The following HMGCLL1 variants were observed in gnomAD, a reference collection of about 807,000 sequenced individuals.
The protein encoded by HMGCLL1 is 3-hydroxy-3-methylglutaryl-CoA lyase like 1, also known as 3-hydroxymethyl-3-methylglutaryl-CoA lyase, cytoplasmic.
In HMGCLL1, 36 loss-of-function variants were observed where a neutral mutation model predicts 39.1. That is an observed-to-expected ratio of 0.92 (90% CI 0.71 to 1.22). HMGCLL1 has a LOEUF of 1.22. HMGCLL1 is among the 50% of genes most tolerant of loss of function. The probability of loss-of-function intolerance (pLI) is 0.00; values close to 1 mark genes in which losing one functional copy is unlikely to be tolerated. For missense variants in HMGCLL1, 451 were observed against 416.5 expected, an observed-to-expected ratio of 1.08 and a Z score of -0.72; for synonymous variants, 149 against 144.0, an observed-to-expected ratio of 1.03 and a Z score of -0.25.
chr6:55,672,310 GAATA>G, the HMGCLL1 span, among the ~76,000 whole-genome samples: 4,451 of 151,458 alleles, frequency 0.029, 229 homozygotes, highest in African/African-American at 0.1. Flanking sequence ...GTATCTTCTA[GAATA>G]AATAAAAATT....
intron 7 of HMGCLL1, among the ~76,000 whole-genome samples, chr6:55,490,504 A>T (rs1021852207): frequency 6.6e-6 from 1 of 152,146 alleles, no homozygotes. Context: ...CCATTTGATC[A>T]GCATGGATGA....
At chr6:55,487,348 C>A (rs1442273411) in intron 7 of HMGCLL1, among the ~76,000 whole-genome samples, 1 of 151,904 alleles carries the variant, frequency 6.6e-6, no homozygotes, top group Non-Finnish European at 1.5e-5. Context: ...GCAGAATGTG[C>A]AGTTTTGTTA....
At chr6:55,633,756 T>C in the HMGCLL1 span, among the ~76,000 whole-genome samples, 1 of 151,984 alleles carries the variant, frequency 6.6e-6, no homozygotes, top group Non-Finnish European at 1.5e-5. Flanking sequence ...GGAAGCTCTG[T>C]AGTGACGTTA....
At chr6:55,669,064 A>G in the HMGCLL1 span, among the ~76,000 whole-genome samples, 1 of 151,576 alleles carries the variant, frequency 6.6e-6, no homozygotes, top group African/African-American at 2.4e-5. Context: ...ACCAACAACT[A>G]GAGCCTGTGG....
the HMGCLL1 span, among the ~76,000 whole-genome samples, chr6:55,639,032 T>G: frequency 6.6e-6 from 1 of 152,114 alleles, no homozygotes; most frequent in African/African-American, 2.4e-5. Flanking sequence ...TTAGTTACTA[T>G]GGTATCATTC....
At chr6:55,541,883 T>A in intron 2 of HMGCLL1, 47 bp from the exon 3 acceptor site, 11 of 1,147,060 alleles carry the variant, frequency 9.6e-6, no homozygotes, top group Non-Finnish European at 1.4e-5. Flanking sequence ...TAGGTCCTAT[T>A]TAAGCACAAA....
intron 6 of HMGCLL1, among the ~76,000 whole-genome samples, chr6:55,496,109 T>C (rs1766562196): frequency 6.6e-6 from 1 of 152,158 alleles, no homozygotes. Flanking sequence ...TTGAACTCTA[T>C]GGATCCACTT....
chr6:55,601,191 CA>C, the HMGCLL1 span, among the ~76,000 whole-genome samples: 2 of 152,064 alleles, frequency 1.3e-5, no homozygotes, highest in Admixed American at 6.6e-5. Flanking sequence ...TGTGAGACTG[CA>C]GGTCAATTGG....
At chr6:55,558,549 T>G (rs543985403) in intron 1 of HMGCLL1, among the ~76,000 whole-genome samples, 3 of 152,288 alleles carry the variant, frequency 2.0e-5, no homozygotes, top group African/African-American at 7.2e-5. Context: ...TCAGAATCCA[T>G]AGCTTTCACC....
rs568568853 is a variant in HMGCLL1 at position 55,555,100 on chromosome 6, G to A, written c.109-12960C>T. Among the ~76,000 whole-genome samples, 20 of 152,216 alleles carry A rather than the reference G, an allele frequency of 1.3e-4. No individual in the cohort carries two copies. The East Asian group carries it at 3.7e-3, about 28-fold the overall frequency. The stretch of plus-strand genomic sequence containing the variant: ...CATTTCCCTCAGAGAAAAATCCAAA[G>A]TCTTTGCCATGGCCCTGGAGGCCCC... On this transcript the variant is annotated intron_variant, in intron 1 of 8. Transcript: ENST00000274901.
chr6:55,536,329 C>T (rs958364035), intron 3 of HMGCLL1, among the ~76,000 whole-genome samples: 10 of 152,026 alleles, frequency 6.6e-5, no homozygotes, highest in African/African-American at 2.2e-4. Context: ...TAAGCCTTTG[C>T]CTATGGCATA....
chr6:55,606,672 C>T, the HMGCLL1 span, among the ~76,000 whole-genome samples: 3 of 152,022 alleles, frequency 2.0e-5, no homozygotes, highest in African/African-American at 7.2e-5. Context: ...TAGTTTTATT[C>T]TGTGTTGTAG....
intron 3 of HMGCLL1, among the ~76,000 whole-genome samples, chr6:55,518,569 A>G (rs1767869152): frequency 6.6e-6 from 1 of 152,170 alleles, no homozygotes; most frequent in African/African-American, 2.4e-5. Context: ...AAGCCAGGTT[A>G]CAAAAAAGGA....
chr6:55,527,496 T>A (rs1045059268), intron 3 of HMGCLL1, among the ~76,000 whole-genome samples: 1 of 152,068 alleles, frequency 6.6e-6, no homozygotes, highest in Non-Finnish European at 1.5e-5. Flanking sequence ...AAGCTAATTG[T>A]ATTTTTATTC....
the HMGCLL1 span, among the ~76,000 whole-genome samples, chr6:55,587,860 T>C: frequency 6.6e-6 from 1 of 152,150 alleles, no homozygotes; most frequent in African/African-American, 2.4e-5. Context: ...CTAACTATCC[T>C]AAATATATAT....
At chr6:55,540,726 T>C (rs79565968) in intron 3 of HMGCLL1, among the ~76,000 whole-genome samples, 3,563 of 152,216 alleles carry the variant, frequency 0.023, 131 homozygotes, top group African/African-American at 0.082. Flanking sequence ...ACTCCTGGCA[T>C]AAAGCAGGGT....
the HMGCLL1 span, among the ~76,000 whole-genome samples, chr6:55,677,139 G>A: frequency 6.6e-6 from 1 of 152,198 alleles, no homozygotes; most frequent in Non-Finnish European, 1.5e-5. Flanking sequence ...GCTCACGCTT[G>A]TAATCCTAGC....
At chr6:55,495,174 C>T (rs576928962) in intron 7 of HMGCLL1, among the ~76,000 whole-genome samples, 5 of 152,104 alleles carry the variant, frequency 3.3e-5, no homozygotes, top group Non-Finnish European at 5.9e-5. Flanking sequence ...AAGATTAATA[C>T]TTTTCAAAAG....
rs1264950213 is a variant in HMGCLL1, at chr6:55,542,686, G to A, written c.109-546C>T. 2.0e-5 allele frequency among the ~76,000 whole-genome samples: 3 copies of A among 151,152 alleles called. No individual in the cohort carries two copies. The East Asian group carries it at 5.8e-4, about 29-fold the overall frequency. On this transcript the variant is annotated intron_variant, in intron 1 of 8. Coordinates refer to ENST00000274901, the MANE Select transcript of HMGCLL1 (RefSeq NM_001042406.2). ...CCCAGCTATTTGGGAGGCTGAGGTA[G>A]GAGAATCACTTGAACCCAGGAGGCG...
Sources: gnomAD v4.1 joint callset for allele counts (sites outside exome capture counted in the v4.1 genomes callset) on GRCh38, gnomAD v4.1.1 for gene constraint, MANE v1.5 for transcripts, NCBI Gene and HGNC (gene_info 2026-07-23, HGNC 2026-07-21) for gene names.